BLTP3A: variants seen among roughly 807,000 people sequenced by gnomAD.
BLTP3A encodes ICBP90 binding protein 1.
At chr6:34,855,794 G>C in the BLTP3A span, 3 of 1,584,652 alleles carry the variant, frequency 1.9e-6, no homozygotes, top group Admixed American at 3.5e-5. Context: ...TTAACAGGAG[G>C]TTGCCAGAGA....
At chr6:34,876,504 C>T in the BLTP3A span, 2 of 152,194 alleles carry the variant, frequency 1.3e-5, no homozygotes, top group East Asian at 3.9e-4. Context: ...CAACCCTTTA[C>T]CCTGGCTTTT....
chr6:34,827,794 GC>G, the BLTP3A span, among the ~76,000 whole-genome samples: 1 of 152,026 alleles, frequency 6.6e-6, no homozygotes, highest in Non-Finnish European at 1.5e-5. Flanking sequence ...ACCATGCCTG[GC>G]TAATTTTTGT....
chr6:34,798,596 T>TTTTTTA, the BLTP3A span, among the ~76,000 whole-genome samples: 1 of 144,164 alleles, frequency 6.9e-6, no homozygotes, highest in Non-Finnish European at 1.5e-5. Flanking sequence ...CTTTCTTTCT[T>TTTTTTA]TTTTTTTTTT....
the BLTP3A span, among the ~76,000 whole-genome samples, chr6:34,805,872 C>A: frequency 2.0e-5 from 3 of 150,948 alleles, no homozygotes; most frequent in African/African-American, 7.3e-5. Context: ...TCCATTTTTC[C>A]TGGATATTAA....
At chr6:34,866,266 T>C in the BLTP3A span, among the ~76,000 whole-genome samples, 2 of 152,132 alleles carry the variant, frequency 1.3e-5, no homozygotes, top group East Asian at 1.9e-4. Context: ...TAGCCAGGGA[T>C]GGTGGCGTGC....
chr6:34,794,225 C>T, the BLTP3A span, among the ~76,000 whole-genome samples: 1 of 118,006 alleles, frequency 8.5e-6, no homozygotes, highest in African/African-American at 4.5e-5. Flanking sequence ...AGGATAAATG[C>T]TTGAGAGGAT....
At chr6:34,837,422 G>A in the BLTP3A span, among the ~76,000 whole-genome samples, 5 of 152,210 alleles carry the variant, frequency 3.3e-5, no homozygotes, top group East Asian at 1.9e-4. Flanking sequence ...GTGGGCTCAC[G>A]CCTATAGTCC....
the BLTP3A span, among the ~76,000 whole-genome samples, chr6:34,818,051 G>A: frequency 6.6e-6 from 1 of 151,996 alleles, no homozygotes; most frequent in Admixed American, 6.6e-5. Flanking sequence ...GTAGAGACGG[G>A]GTTTCACCGT....
At chr6:34,804,019 G>A in the BLTP3A span, among the ~76,000 whole-genome samples, 1 of 152,104 alleles carries the variant, frequency 6.6e-6, no homozygotes, top group Non-Finnish European at 1.5e-5. Flanking sequence ...CGGCTGATAC[G>A]AAATTAGAGG....
chr6:34,836,793 G>A, the BLTP3A span, among the ~76,000 whole-genome samples: 2 of 152,160 alleles, frequency 1.3e-5, no homozygotes, highest in East Asian at 1.9e-4. Flanking sequence ...AATATTTATT[G>A]TGTGTAAATG....
At chr6:34,812,701 T>A in the BLTP3A span, among the ~76,000 whole-genome samples, 1 of 151,966 alleles carries the variant, frequency 6.6e-6, no homozygotes, top group Non-Finnish European at 1.5e-5. Context: ...AACTCTTGGC[T>A]TCAAGCAGTT....
At chr6:34,856,023 G>A in the BLTP3A span, among the ~76,000 whole-genome samples, 43 of 152,300 alleles carry the variant, frequency 2.8e-4, no homozygotes, top group Middle Eastern at 0.01. Flanking sequence ...TATGGCAGCA[G>A]TCAACAGCTT....
At chr6:34,834,608 C>A in the BLTP3A span, 1 of 1,438,328 alleles carries the variant, frequency 7.0e-7, no homozygotes, top group East Asian at 2.3e-5. Context: ...TTGGTGGGAT[C>A]CCAACTGAGA....
chr6:34,857,405 C>G, the BLTP3A span: 274 of 1,614,196 alleles, frequency 1.7e-4, no homozygotes, highest in Non-Finnish European at 2.1e-4. Flanking sequence ...AACCTCCCTA[C>G]CCAGGTCTCT....
chr6:34,855,871 G>A, the BLTP3A span: 1 of 985,380 alleles, frequency 1.0e-6, no homozygotes, highest in Non-Finnish European at 1.2e-6. Context: ...AAACTTGCAG[G>A]TTCCACTATT....
the BLTP3A span, among the ~76,000 whole-genome samples, chr6:34,811,685 CG>C: frequency 0.16 from 13,358 of 82,478 alleles, 1,383 homozygotes; most frequent in African/African-American, 0.34. Flanking sequence ...CCCCCCCCCC[CG>C]CATCTCTACT....
At chr6:34,874,566 A>G in the BLTP3A span, 1 of 152,284 alleles carries the variant, frequency 6.6e-6, no homozygotes, top group South Asian at 2.1e-4. Flanking sequence ...AGGGTTACTA[A>G]TAAGCAGGGC....
chr6:34,853,461 A>G, the BLTP3A span, among the ~76,000 whole-genome samples: 5 of 152,054 alleles, frequency 3.3e-5, no homozygotes, highest in African/African-American at 9.7e-5. Flanking sequence ...CACCATGCCC[A>G]GCCTGGATAG....
At chr6:34,849,597 G>T in the BLTP3A span, among the ~76,000 whole-genome samples, 1 of 152,056 alleles carries the variant, frequency 6.6e-6, no homozygotes, top group Non-Finnish European at 1.5e-5. Context: ...GATATGAGTA[G>T]TTCATACACC....
Sources: gnomAD v4.1 joint callset for allele counts (sites outside exome capture counted in the v4.1 genomes callset) on GRCh38, gnomAD v4.1.1 for gene constraint, MANE v1.5 for transcripts, NCBI Gene and HGNC (gene_info 2026-07-23, HGNC 2026-07-21) for gene names.